Variants in FAM163B observed in about 807,000 individuals in gnomAD.
FAM163B encodes family with sequence similarity 163 member B.
FAM163B carries 4 observed loss-of-function variants against 7.6 expected under a neutral mutation model. That is an observed-to-expected ratio of 0.52 (90% confidence interval 0.26 to 1.20). The LOEUF (loss-of-function observed/expected upper bound fraction) is 1.20. Ranked by LOEUF, FAM163B falls within the 50% of genes most tolerant of loss-of-function variation. The pLI, the probability that FAM163B is intolerant of heterozygous loss-of-function variation, is 0.14. For synonymous variants in FAM163B, 120 were observed against 111.6 expected, an observed-to-expected ratio of 1.07 and a Z score of -0.47; for missense variants, 250 against 243.0, an observed-to-expected ratio of 1.03 and a Z score of -0.19.
chr9:133,605,148 G>C (rs13302641), intron 1 of FAM163B, among the ~76,000 whole-genome samples: 1 of 152,146 alleles, frequency 6.6e-6, no homozygotes, highest in Non-Finnish European at 1.5e-5. Context: ...GGGCTGCGTG[G>C]GGTGGAGCTG....
At chr9:133,582,694 C>T (rs921175703) in intron 1 of FAM163B, among the ~76,000 whole-genome samples, 53 of 152,344 alleles carry the variant, frequency 3.5e-4, no homozygotes, top group African/African-American at 1.2e-3. Flanking sequence ...CTTTCGGCCA[C>T]AGTTTATTGG....
chr9:133,590,098 TCCCCTTCCCTTCCCCTCCCCTTCCCCTC>T (rs1831522093), intron 1 of FAM163B, among the ~76,000 whole-genome samples: 3 of 17,356 alleles, frequency 1.7e-4, no homozygotes, highest in African/African-American at 6.4e-4. Context: ...CCCTTCCCCT[TCCCCTTCCCTTCCCCTCCCCTTCCCCTC>T]CCCTTCCCCT....
At chr9:133,585,626 C>T (rs1413243817) in intron 1 of FAM163B, among the ~76,000 whole-genome samples, 1 of 152,250 alleles carries the variant, frequency 6.6e-6, no homozygotes, top group African/African-American at 2.4e-5. Flanking sequence ...CCCTCTGGCT[C>T]ATCCAGCCCC....
intron 1 of FAM163B, chr9:133,586,254 G>C (rs973658321): frequency 6.6e-6 from 1 of 152,356 alleles, no homozygotes; most frequent in African/African-American, 2.4e-5. Context: ...TGCCTTCCCA[G>C]CTCTATCCCC....
chr9:133,592,072 T>C (rs770614908), intron 1 of FAM163B, among the ~76,000 whole-genome samples: 1 of 152,180 alleles, frequency 6.6e-6, no homozygotes, highest in African/African-American at 2.4e-5. Context: ...TTTCTGGAGC[T>C]GCTCCCTTGG....
intron 1 of FAM163B, among the ~76,000 whole-genome samples, chr9:133,590,086 TTCCCTTCCCCTTCCCCTTCCCTTCCCC>T (rs1831520308): frequency 4.3e-5 from 1 of 23,210 alleles, no homozygotes; most frequent in African/African-American, 1.6e-4. Context: ...CCCCTTCCCC[TTCCCTTCCCCTTCCCCTTCCCTTCCCC>T]TCCCCTTCCC....
At chr9:133,584,018 C>G (rs949714150) in intron 1 of FAM163B, among the ~76,000 whole-genome samples, 63 of 149,896 alleles carry the variant, frequency 4.2e-4, no homozygotes, top group Admixed American at 9.3e-4. Context: ...CCCCTCTGCT[C>G]TAGCTGTGCC....
In FAM163B at chr9:133,579,263, G is replaced by C. The variant is rs765973375; in HGVS notation, c.260C>G (p.Ala87Gly). ...STSFSQKSPQ[A>G]RALCRSCSHC... is the part of the protein sequence containing the mutation. Reference sequence around the variant, plus strand: ...GGAGCAGCTGCGGCAGAGGGCGCGGGCCTGCGGGGACTTCTGGCTGAAGGA... The same window carrying C: ...GGAGCAGCTGCGGCAGAGGGCGCGGCCCTGCGGGGACTTCTGGCTGAAGGA... Residue 87 changes from alanine (A) to glycine (G), a missense_variant, in exon 3 of 3, where the codon GCC (alanine) becomes GGC (glycine). By Grantham distance (60) the Ala-to-Gly change is moderately conservative. Transcript: ENST00000673969. The C allele has an allele frequency of 1.6e-5, 26 of 1,612,532 alleles. No individual in the cohort carries two copies. The highest frequency in any genetic ancestry group is 2.1e-5 in the Non-Finnish European group (25 of 1,179,858).
intron 1 of FAM163B, among the ~76,000 whole-genome samples, chr9:133,586,993 G>A (rs1831449385): frequency 6.6e-6 from 1 of 152,204 alleles, no homozygotes; most frequent in Non-Finnish European, 1.5e-5. Flanking sequence ...GGCCATCGGG[G>A]AAGCAGGGGG....
intron 1 of FAM163B, among the ~76,000 whole-genome samples, chr9:133,584,392 G>A (rs1203476892): frequency 6.6e-6 from 1 of 152,160 alleles, no homozygotes; most frequent in East Asian, 1.9e-4. Flanking sequence ...CAATGGGTGT[G>A]GCAGGGTTTA....
intron 1 of FAM163B, among the ~76,000 whole-genome samples, chr9:133,586,842 G>C (rs972071188): frequency 2.0e-5 from 3 of 152,176 alleles, no homozygotes; most frequent in Non-Finnish European, 4.4e-5. Flanking sequence ...GTAAGAACCA[G>C]CATGGCCTCA....
At chr9:133,580,616 G>T (rs1831342318) in intron 1 of FAM163B, among the ~76,000 whole-genome samples, 1 of 152,218 alleles carries the variant, frequency 6.6e-6, no homozygotes, top group African/African-American at 2.4e-5. Context: ...TTACCCAAAT[G>T]CAGTCAGGCC....
At chr9:133,608,639 T>G (rs1427179592) in intron 1 of FAM163B, among the ~76,000 whole-genome samples, 2 of 152,106 alleles carry the variant, frequency 1.3e-5, no homozygotes, top group Admixed American at 1.3e-4. Context: ...CTCGTGGGTG[T>G]TGGGTGAATG....
chr9:133,581,243 C>T (rs1588321318), intron 1 of FAM163B, among the ~76,000 whole-genome samples: 1 of 151,960 alleles, frequency 6.6e-6, no homozygotes, highest in East Asian at 1.9e-4. Flanking sequence ...ATTTTCTTAC[C>T]ATGGCCAGTT....
At position 133,578,087 on chromosome 9, in the gene FAM163B, C is replaced by T. The variant is rs978431264; in HGVS notation, c.*935G>A. 1.3e-5 allele frequency among the ~76,000 whole-genome samples: 2 copies of T among 152,114 alleles called. No individual in the cohort carries two copies. The highest frequency in any genetic ancestry group is 4.1e-4 in the South Asian group (2 of 4,820). On this transcript the variant is annotated 3_prime_UTR_variant, in exon 3 of 3. Coordinates refer to ENST00000673969, the MANE Select transcript of FAM163B (RefSeq NM_001080515.3). ...GTCCTCAGGGTCTCTCCTCATCACA[C>T]AAGATGGGGAGACTGAGGCCCAGGG...
chr9:133,590,092 TCCCCTTCCCCTTCCCTTCCCC>T (rs1831521226), intron 1 of FAM163B, among the ~76,000 whole-genome samples: 7 of 20,178 alleles, frequency 3.5e-4, no homozygotes, highest in African/African-American at 1.5e-3. Context: ...CCCCTTCCCT[TCCCCTTCCCCTTCCCTTCCCC>T]TCCCCTTCCC....
At chr9:133,608,456 C>G (rs1034624559) in intron 1 of FAM163B, among the ~76,000 whole-genome samples, 1 of 152,106 alleles carries the variant, frequency 6.6e-6, no homozygotes, top group South Asian at 2.1e-4. Context: ...GGCAACCCCC[C>G]ACCTGTCAAT....
intron 1 of FAM163B, among the ~76,000 whole-genome samples, chr9:133,604,440 G>A (rs1321351580): frequency 6.6e-6 from 1 of 151,814 alleles, no homozygotes; most frequent in Admixed American, 6.6e-5. Flanking sequence ...CGAGCACTGG[G>A]GGGCAGGCCA....
intron 1 of FAM163B, among the ~76,000 whole-genome samples, chr9:133,603,151 C>T (rs181182224): frequency 2.2e-4 from 34 of 152,346 alleles, no homozygotes; most frequent in African/African-American, 7.5e-4. Flanking sequence ...CAATTGCCAA[C>T]GCCAACTGGA....
Sources: gnomAD v4.1 joint callset for allele counts (sites outside exome capture counted in the v4.1 genomes callset) on GRCh38, gnomAD v4.1.1 for gene constraint, MANE v1.5 for transcripts, NCBI Gene and HGNC (gene_info 2026-07-23, HGNC 2026-07-21) for gene names.